REXO4: variants seen among roughly 807,000 people sequenced by gnomAD.
The protein encoded by REXO4 is REX4 homolog, 3'-5' exonuclease.
In REXO4, 29 loss-of-function variants were observed where a neutral mutation model predicts 39.9. That is an observed-to-expected ratio of 0.73 (90% CI 0.54 to 0.99). REXO4 has a LOEUF of 0.99. Ranked by LOEUF, REXO4 falls within the 50% of genes least tolerant of loss-of-function variation. The probability of loss-of-function intolerance (pLI) is 0.00; values close to 1 mark genes in which losing one functional copy is unlikely to be tolerated. For synonymous variants in REXO4, 184 were observed against 206.2 expected, an observed-to-expected ratio of 0.89 and a Z score of 0.92; for missense variants, 524 against 546.5, an observed-to-expected ratio of 0.96 and a Z score of 0.41.
chr9:133,412,974 G>A, intron 2 of REXO4, 53 bp from the exon 3 acceptor site: 2 of 1,592,476 alleles, frequency 1.3e-6, no homozygotes, highest in South Asian at 2.2e-5. Context: ...TGCAACTGGT[G>A]GGGTGGGGCT....
intron 2 of REXO4, 115 bp from the exon 3 acceptor site, chr9:133,413,036 A>C: frequency 8.5e-7 from 1 of 1,170,678 alleles, no homozygotes; most frequent in Non-Finnish European, 1.2e-6. Flanking sequence ...TGCCTCTCCC[A>C]CAGGCTGGCC....
rs587626367 is a variant in REXO4, at chr9:133,417,913, G to A, written c.-69C>T. On this transcript the variant is annotated 5_prime_UTR_variant, in exon 1 of 8. Transcript: ENST00000371942. ...CGGCCTCCCCGGGCCCGGCGCCCTG[G>A]CAGCACAAGCGCCTGCCCAGGCCAG... 18 of 1,458,914 alleles carry A rather than the reference G, an allele frequency of 1.2e-5. No individual in the cohort carries two copies. In the South Asian group the frequency reaches 2.1e-4, roughly 17 times the overall value. The allele number at this position is 1,458,914 out of a possible 1,614,324, so 90.4% of individuals were successfully genotyped here.
chr9:133,410,863 C>G (rs1839172834), intron 5 of REXO4, 122 bp downstream of exon 5: 1 of 717,256 alleles, frequency 1.4e-6, no homozygotes, highest in African/African-American at 1.8e-5. Flanking sequence ...ATATTATTAC[C>G]AAAGTATTCC....
At chr9:133,416,109 A>T (rs1346637393) in intron 1 of REXO4, among the ~76,000 whole-genome samples, 1 of 152,254 alleles carries the variant, frequency 6.6e-6, no homozygotes, top group Non-Finnish European at 1.5e-5. Flanking sequence ...GCATGGTGCC[A>T]GCATCTGCTT....
At chr9:133,416,181 C>T (rs782732405) in intron 1 of REXO4, among the ~76,000 whole-genome samples, 3 of 152,040 alleles carry the variant, frequency 2.0e-5, no homozygotes, top group East Asian at 3.9e-4. Context: ...AGGTGTGTTG[C>T]GTGGTGAGAG....
At chr9:133,412,220 A>G (rs1839249047) in intron 4 of REXO4, 79 bp downstream of exon 4, 1 of 1,448,348 alleles carries the variant, frequency 6.9e-7, no homozygotes, top group African/African-American at 1.4e-5. Context: ...GTGGTCTCAG[A>G]CAGAAAAGGG....
In REXO4 at chr9:133,417,901, C is replaced by T; in HGVS notation, c.-57G>A. The T allele has an allele frequency of 6.6e-7, 1 of 1,525,182 alleles. No homozygotes were observed. Among genetic ancestry groups the T allele is most frequent in the Non-Finnish European group, 8.8e-7 (1 of 1,135,534 alleles). The allele number at this position is 1,525,182 out of a possible 1,614,324, so 94.5% of individuals were successfully genotyped here. ...CACCCGAGACCCCGGCCTCCCCGGG[C>T]CCGGCGCCCTGGCAGCACAAGCGCC... is the stretch of plus-strand genomic sequence containing the variant. On this transcript the variant is annotated 5_prime_UTR_variant, in exon 1 of 8. Coordinates refer to ENST00000371942, the MANE Select transcript of REXO4 (RefSeq NM_020385.4).
In REXO4 at chr9:133,417,886, C is replaced by G. The variant is rs1406895980; in HGVS notation, c.-42G>C. On this transcript the variant is annotated 5_prime_UTR_variant, in exon 1 of 8. Coordinates refer to ENST00000371942, the MANE Select transcript of REXO4 (RefSeq NM_020385.4). ...GCCTGGGCCGGCGGCCACCCGAGAC[C>G]CCGGCCTCCCCGGGCCCGGCGCCCT... The G allele has an allele frequency of 1.9e-6, 3 of 1,567,394 alleles. No individual in the cohort carries two copies. The highest frequency in any genetic ancestry group is 8.6e-7 in the Non-Finnish European group (1 of 1,160,814).
chr9:133,410,392 G>A (rs1839152616), intron 5 of REXO4, among the ~76,000 whole-genome samples: 2 of 152,206 alleles, frequency 1.3e-5, no homozygotes, highest in Admixed American at 1.3e-4. Context: ...TGCCTCGGGT[G>A]ACCAGGAGAT....
chr9:133,411,463 T>C (rs587751365), intron 4 of REXO4, among the ~76,000 whole-genome samples: 248 of 152,274 alleles, frequency 1.6e-3, no homozygotes, highest in Non-Finnish European at 2.2e-3. Flanking sequence ...AAAACAAAAC[T>C]GCCCCCACAA....
chr9:133,414,852 T>C lies in REXO4; in HGVS notation c.385A>G (p.Arg129Gly), dbSNP rs1839473898. Residue 129 changes from arginine to glycine, a missense_variant, in exon 2 of 8, where the codon AGG becomes GGG. By Grantham distance (125) the Arg-to-Gly change is moderately radical (BLOSUM62 -2). Coordinates refer to ENST00000371942, the MANE Select transcript of REXO4 (RefSeq NM_020385.4). ...TTGGAACCTGAAGGAACAGAGCCCCTGCTGGCCTCCTGGTCTTTTCCTGCC... is the reference window on the plus strand; with the variant it reads ...TTGGAACCTGAAGGAACAGAGCCCCCGCTGGCCTCCTGGTCTTTTCCTGCC... Reference protein sequence around the residue: ...MPAGKDQEASRGSVPSGSKMD... With the variant: ...MPAGKDQEASGGSVPSGSKMD... 6.2e-7 allele frequency: 1 copy of C among 1,614,200 alleles called. No individual in the cohort carries two copies. Among genetic ancestry groups the C allele is most frequent in the Non-Finnish European group, 8.5e-7 (1 of 1,180,040 alleles).
rs1839488129 is a variant in REXO4 at position 133,415,007 on chromosome 9, A to G, written c.230T>C (p.Leu77Pro). ...TGGGGCCTGAGATTTTTGTTTCAGC[A>G]GCCACTGGGACCCAAAATAAAATAC... ...SQNWKALQEWLLKQKSQAPEK... is the reference protein window; with the variant it reads ...SQNWKALQEWPLKQKSQAPEK... Residue 77 changes from leucine (L) to proline (P), a missense_variant, in exon 2 of 8, where the codon CTG becomes CCG. Transcript: ENST00000371942. 2 of 1,580,096 alleles carry G rather than the reference A, an allele frequency of 1.3e-6. No individual in the cohort carries two copies. Among genetic ancestry groups the G allele is most frequent in the Non-Finnish European group, 1.7e-6 (2 of 1,169,578 alleles).
At position 133,412,725 on chromosome 9, in the gene REXO4, G is replaced by A. The variant is rs587761957; in HGVS notation, c.716+53C>T. On this transcript the variant is annotated intron_variant, in intron 3 of 7. Transcript: ENST00000371942. The stretch of plus-strand genomic sequence containing the variant: ...GCATCCTCTTCCTTGAAGAAGCCCC[G>A]CCCTCCACGGCTAAGCATCCCCAGC... The A allele has an allele frequency of 4.8e-5, 77 of 1,594,382 alleles. No individual in the cohort carries two copies. In the South Asian group the frequency reaches 7.2e-4, roughly 15 times the overall value.
upstream of REXO4, chr9:133,418,033 C>G: frequency 3.4e-6 from 2 of 595,472 alleles, no homozygotes; most frequent in Admixed American, 3.1e-5. Flanking sequence ...ACGCTCCAGT[C>G]CCCGGAAGCG....
rs1554781977 is a variant in REXO4 at position 133,417,722 on chromosome 9, C to G, written c.123G>C (p.Lys41Asn). ...CTGGCTTCTTGCTTACTTCCCGCGC[C>G]TTGCTTTTCCAAAACCTTTTTTTCT... ...NKKKKRFWKS[K>N]AREVSKKPAS... is the part of the protein sequence containing the mutation. The change falls in exon 1 of 8, where the codon AAG becomes AAC. Residue 41 changes from lysine to asparagine, a missense_variant. Coordinates refer to ENST00000371942, the MANE Select transcript of REXO4 (RefSeq NM_020385.4). 1 of 1,614,158 alleles carries G rather than the reference C, an allele frequency of 6.2e-7. No individual in the cohort carries two copies. The highest frequency in any genetic ancestry group is 2.2e-5 in the East Asian group (1 of 44,888).
Position 133,411,075 on chromosome 9 carries a change from T to C in REXO4, c.911-2A>G. 6.2e-7 allele frequency: 1 copy of C among 1,613,898 alleles called. No individual in the cohort carries two copies. The highest frequency in any genetic ancestry group is 8.5e-7 in the Non-Finnish European group (1 of 1,179,798). On this transcript the variant is annotated splice_acceptor_variant, in intron 4 of 7. Transcript: ENST00000371942. LOFTEE classifies it high-confidence loss of function. ...TCTGAACAACTTCAAGCTCTTCTCCTGGAAAATCAACACAAAGAAGCGGTT... is the reference window on the plus strand; with the variant it reads ...TCTGAACAACTTCAAGCTCTTCTCCCGGAAAATCAACACAAAGAAGCGGTT...
At position 133,406,769 on chromosome 9, in the gene REXO4, G is replaced by T. The variant is rs1164446581; in HGVS notation, c.*184C>A. ...GGGCCCAAACACACATGGACAGTAAGACCAGGTTTCAGACCACAAAGTCAA... is the reference window on the plus strand; with the variant it reads ...GGGCCCAAACACACATGGACAGTAATACCAGGTTTCAGACCACAAAGTCAA... On this transcript the variant is annotated 3_prime_UTR_variant, in exon 8 of 8. Transcript: ENST00000371942. 9 of 867,824 alleles carry T rather than the reference G, an allele frequency of 1.0e-5. No homozygotes were observed. The highest frequency in any genetic ancestry group is 1.7e-5 in the South Asian group (1 of 60,512). The allele number at this position is 867,824 out of a possible 1,614,324, so 53.8% of individuals were successfully genotyped here. A position where few individuals can be genotyped will look rare whatever the true frequency, so the allele number is the denominator to read the frequency against.
chr9:133,414,500 GCA>G, intron 2 of REXO4, 163 bp downstream of exon 2: 1 of 737,310 alleles, frequency 1.4e-6, no homozygotes, highest in Admixed American at 2.0e-5. Context: ...CTTATCATGC[GCA>G]CACTCTAGGG....
At chr9:133,414,536 C>T (rs1554781036) in intron 2 of REXO4, 129 bp downstream of exon 2, 1 of 860,476 alleles carries the variant, frequency 1.2e-6, no homozygotes, top group Non-Finnish European at 2.0e-6. Flanking sequence ...AGCGAGTAAA[C>T]AAAGGAACAG....
Sources: gnomAD v4.1 joint callset for allele counts (sites outside exome capture counted in the v4.1 genomes callset) on GRCh38, gnomAD v4.1.1 for gene constraint, MANE v1.5 for transcripts, NCBI Gene and HGNC (gene_info 2026-07-23, HGNC 2026-07-21) for gene names.